PIR: variants seen among roughly 807,000 people sequenced by gnomAD.
PIR encodes the protein pirin (iron-binding nuclear protein).
PIR carries 22 observed loss-of-function variants against 24.2 expected under a neutral mutation model. The ratio of observed to expected loss-of-function variants is 0.91; its 90% CI spans 0.65 to 1.30. PIR has a LOEUF of 1.30. Ranked by LOEUF, PIR falls within the 50% of genes most tolerant of loss-of-function variation. The pLI is 0.00. For missense variants in PIR, 220 were observed against 220.3 expected, an observed-to-expected ratio of 1.00 and a Z score of 0.01; for synonymous variants, 80 against 79.6, an observed-to-expected ratio of 1.00 and a Z score of -0.03.
chrX:15,466,469 C>A (rs1921602029), intron 3 of PIR, among the ~76,000 whole-genome samples: 1 of 112,038 alleles, frequency 8.9e-6, no homozygotes, highest in Admixed American at 9.4e-5. Context: ...GCAGGTGTGG[C>A]CCTGCCTCCA....
intron 6 of PIR, among the ~76,000 whole-genome samples, chrX:15,409,009 A>G (rs756370088): frequency 9.0e-6 from 1 of 110,851 alleles, no homozygotes; most frequent in East Asian, 2.8e-4. Flanking sequence ...CCTATTTCAC[A>G]GTTTTTCCTC....
chrX:15,476,661 G>GA (rs776335281), intron 3 of PIR, among the ~76,000 whole-genome samples: 27 of 104,144 alleles, frequency 2.6e-4, no homozygotes, highest in South Asian at 1.2e-3. Context: ...AACCCAGCAG[G>GA]AAAAAAAAAA....
chrX:15,490,014 T>C (rs1157659232), intron 2 of PIR, among the ~76,000 whole-genome samples: 1 of 111,622 alleles, frequency 9.0e-6, no homozygotes, highest in Non-Finnish European at 1.9e-5. Flanking sequence ...AAATGGTGAC[T>C]ATAGTTAATA....
At chrX:15,426,286 G>C (rs1334722483) in intron 5 of PIR, among the ~76,000 whole-genome samples, 1 of 111,664 alleles carries the variant, frequency 9.0e-6, no homozygotes, top group Non-Finnish European at 1.9e-5. Context: ...GCCAATAATT[G>C]CTCCAACTTT....
intron 6 of PIR, among the ~76,000 whole-genome samples, chrX:15,422,667 T>C (rs1209532213): frequency 3.6e-5 from 4 of 109,920 alleles, no homozygotes; most frequent in Non-Finnish European, 5.7e-5. Context: ...ACACTGATGA[T>C]AGAAATTGAA....
intron 2 of PIR, among the ~76,000 whole-genome samples, chrX:15,487,003 C>T (rs1922870660): frequency 8.9e-6 from 1 of 112,019 alleles, no homozygotes; most frequent in Admixed American, 9.5e-5. Flanking sequence ...CAAGACAATA[C>T]GGGAGCAGCT....
intron 3 of PIR, among the ~76,000 whole-genome samples, chrX:15,469,442 C>A (rs1426815265): frequency 9.0e-6 from 1 of 111,404 alleles, no homozygotes; most frequent in Non-Finnish European, 1.9e-5. Context: ...GCTTCCATAC[C>A]TTCAGGGAGC....
chrX:15,448,717 G>T (rs1354799252), intron 5 of PIR, among the ~76,000 whole-genome samples: 2 of 111,774 alleles, frequency 1.8e-5, no homozygotes, highest in Non-Finnish European at 3.8e-5. Flanking sequence ...TGCCTAAATA[G>T]TTACTGCACT....
intron 8 of PIR, among the ~76,000 whole-genome samples, chrX:15,396,991 C>T (rs3829992): frequency 0.49 from 54,718 of 110,889 alleles, 9,989 homozygotes; most frequent in Non-Finnish European, 0.58. Context: ...CCGCCCGCCT[C>T]GGCCTCCCAA....
At chrX:15,395,217 C>A (rs1042238599) in intron 8 of PIR, among the ~76,000 whole-genome samples, 2 of 111,622 alleles carry the variant, frequency 1.8e-5, no homozygotes, top group Admixed American at 1.9e-4. Context: ...CTGTTATGTG[C>A]CCTAAGCCTT....
At chrX:15,486,823 C>T (rs1922861022) in intron 2 of PIR, among the ~76,000 whole-genome samples, 1 of 112,244 alleles carries the variant, frequency 8.9e-6, no homozygotes, top group Admixed American at 9.4e-5. Flanking sequence ...GAAGGCCACC[C>T]TGGAGTGCCT....
At chrX:15,470,917 AC>A (rs201787904) in intron 3 of PIR, among the ~76,000 whole-genome samples, 738 of 46,426 alleles carry the variant, frequency 0.016, 7 homozygotes, top group African/African-American at 0.052. Context: ...CCGGCCCCCC[AC>A]CCCCCCAACA....
intron 3 of PIR, chrX:15,478,488 G>A (rs929011528): frequency 7.1e-5 from 8 of 112,028 alleles, no homozygotes; most frequent in Non-Finnish European, 1.3e-4. Context: ...TCCAGGAACA[G>A]GGTCAGAATC....
At chrX:15,432,136 A>G (rs1056495881) in intron 5 of PIR, among the ~76,000 whole-genome samples, 3 of 111,350 alleles carry the variant, frequency 2.7e-5, no homozygotes, top group African/African-American at 9.8e-5. Flanking sequence ...GTATTAATTA[A>G]GGCCACTTGC....
At chrX:15,466,892 G>C (rs764903763) in intron 3 of PIR, among the ~76,000 whole-genome samples, 1 of 112,243 alleles carries the variant, frequency 8.9e-6, no homozygotes, top group East Asian at 2.8e-4. Flanking sequence ...AATCAATTCT[G>C]TATCCTCCAA....
chrX:15,425,411 C>CTTTTTTTTTTTTTTT lies in PIR; in HGVS notation c.565+480_565+494dup, dbSNP rs756160029. ...CTTTCTGATTTTCTTTTCTTTCTTTCTTTTTTTTTTTTTTTTTTGAGATGG... is the reference window on the plus strand; with the variant it reads ...CTTTCTGATTTTCTTTTCTTTCTTTCTTTTTTTTTTTTTTTTTTTTTTTTTTTTTTTTTGAGATGG... On this transcript the variant is annotated intron_variant, in intron 6 of 9. Coordinates refer to ENST00000380420, the MANE Select transcript of PIR (RefSeq NM_001018109.3). Among the ~76,000 whole-genome samples the CTTTTTTTTTTTTTTT allele has an allele frequency of 9.8e-5, 9 of 92,097 alleles. 1 individual carries two copies. Among genetic ancestry groups the CTTTTTTTTTTTTTTT allele is most frequent in the African/African-American group, 3.4e-4 (8 of 23,571 alleles). The allele number at this position is 92,097 out of a possible 115,157, so 80.0% of individuals were successfully genotyped here. A position where few individuals can be genotyped will look rare whatever the true frequency, so the allele number is the denominator to read the frequency against.
intron 2 of PIR, among the ~76,000 whole-genome samples, chrX:15,481,952 G>T (rs1231465381): frequency 1.8e-5 from 2 of 111,481 alleles, no homozygotes; most frequent in African/African-American, 6.5e-5. Context: ...ACTATGGAGG[G>T]CATTATGTTC....
intron 6 of PIR, among the ~76,000 whole-genome samples, chrX:15,422,436 C>CA (rs779546582): frequency 6.5e-5 from 7 of 108,178 alleles, no homozygotes; most frequent in South Asian, 3.9e-4. Flanking sequence ...AAGACTCCAC[C>CA]AAAAAAAACC....
At chrX:15,483,270 T>C (rs1246327299) in intron 2 of PIR, among the ~76,000 whole-genome samples, 1 of 109,548 alleles carries the variant, frequency 9.1e-6, no homozygotes, top group Non-Finnish European at 1.9e-5. Context: ...CTGGGGCACT[T>C]TGTAGCCTAT....
Sources: allele counts gnomAD v4.1 joint callset (sites outside exome capture counted in the v4.1 genomes callset), GRCh38; gene constraint gnomAD v4.1.1; transcripts MANE v1.5; gene names NCBI Gene and HGNC (gene_info 2026-07-23, HGNC 2026-07-21).